The following OSBPL10 variants were observed in gnomAD, a reference collection of about 807,000 sequenced individuals.
OSBPL10 encodes oxysterol-binding protein-related protein 10.
In OSBPL10, 49 loss-of-function variants were observed where a neutral mutation model predicts 81.7. That is an observed-to-expected ratio of 0.60 (90% CI 0.48 to 0.76). The LOEUF is 0.76. OSBPL10 is among the 30% of genes least tolerant of loss of function. The pLI, the probability that OSBPL10 is intolerant of heterozygous loss-of-function variation, is 0.00. For missense variants in OSBPL10, 923 were observed against 987.8 expected, an observed-to-expected ratio of 0.93 and a Z score of 0.88; for synonymous variants, 419 against 383.6, an observed-to-expected ratio of 1.09 and a Z score of -1.08.
chr3:32,023,021 TTAAGA>T (rs1393111518), intron 2 of OSBPL10, among the ~76,000 whole-genome samples: 1 of 152,158 alleles, frequency 6.6e-6, no homozygotes, highest in African/African-American at 2.4e-5. Flanking sequence ...GGTACATATG[TTAAGA>T]TATCTTTAGT....
rs377569395 is a variant in OSBPL10, at chr3:31,759,471, C to T, written c.730-11351G>A. Among the ~76,000 whole-genome samples the T allele has an allele frequency of 3.3e-5, 5 of 152,088 alleles. No individual in the cohort carries two copies. The East Asian group carries it at 5.8e-4, about 18-fold the overall frequency. ...CTTTTTAATACAAAAGAATACTCAT[C>T]ATAGAAAAAGAAATCAAATAGAAAG... On this transcript the variant is annotated intron_variant, in intron 4 of 11. Coordinates refer to ENST00000396556, the MANE Select transcript of OSBPL10 (RefSeq NM_017784.5).
At chr3:31,822,296 T>C (rs766380139) in intron 4 of OSBPL10, 1 of 152,224 alleles carries the variant, frequency 6.6e-6, no homozygotes, top group South Asian at 2.1e-4. Flanking sequence ...ATAATTCCTA[T>C]TTGTTTATAA....
chr3:32,075,997 G>A (rs1314489180), intron 1 of OSBPL10, among the ~76,000 whole-genome samples: 1 of 152,044 alleles, frequency 6.6e-6, no homozygotes, highest in Non-Finnish European at 1.5e-5. Flanking sequence ...CCCCATCCTT[G>A]AGAATGTACT....
chr3:32,017,173 G>T (rs1699320425), intron 2 of OSBPL10, among the ~76,000 whole-genome samples: 1 of 152,130 alleles, frequency 6.6e-6, no homozygotes, highest in Non-Finnish European at 1.5e-5. Context: ...TCTTATGAAT[G>T]ATTTCATTTG....
chr3:31,952,010 TGAGTG>T (rs1697885345), intron 1 of OSBPL10, among the ~76,000 whole-genome samples: 1 of 152,232 alleles, frequency 6.6e-6, no homozygotes, highest in South Asian at 2.1e-4. Flanking sequence ...GTGCCTTCCA[TGAGTG>T]GTGGGAAATG....
At chr3:31,772,647 T>C (rs1473690263) in intron 4 of OSBPL10, among the ~76,000 whole-genome samples, 5 of 152,140 alleles carry the variant, frequency 3.3e-5, no homozygotes, top group Non-Finnish European at 7.3e-5. Context: ...TCTGGTCATC[T>C]CCGCATGAAG....
chr3:32,014,924 C>T (rs997142775), intron 2 of OSBPL10, among the ~76,000 whole-genome samples: 2 of 152,066 alleles, frequency 1.3e-5, no homozygotes, highest in African/African-American at 4.8e-5. Context: ...AACTACAAAC[C>T]ACTGCTCAAG....
chr3:31,670,997 G>A lies in OSBPL10; in HGVS notation c.1727-14C>T, dbSNP rs1700309477. ...GCCTCAACACACCTCCAGGGAGAGAGGAGGGAGAGTTAGGCATGCAAACAT... is the reference window on the plus strand; with the variant it reads ...GCCTCAACACACCTCCAGGGAGAGAAGAGGGAGAGTTAGGCATGCAAACAT... On this transcript the variant is annotated splice_polypyrimidine_tract_variant and intron_variant, in intron 8 of 11. Coordinates refer to ENST00000396556, the MANE Select transcript of OSBPL10 (RefSeq NM_017784.5). 3 of 1,597,056 alleles carry A rather than the reference G, an allele frequency of 1.9e-6. No homozygotes were observed. Among genetic ancestry groups the A allele is most frequent in the Non-Finnish European group, 2.6e-6 (3 of 1,170,724 alleles).
intron 3 of OSBPL10, among the ~76,000 whole-genome samples, chr3:31,849,660 A>G (rs940221417): frequency 6.6e-6 from 1 of 152,206 alleles, no homozygotes; most frequent in East Asian, 1.9e-4. Flanking sequence ...GACTTATGAC[A>G]TATGCATTCC....
chr3:31,918,745 A>T (rs1283464717), intron 1 of OSBPL10, among the ~76,000 whole-genome samples: 1 of 152,198 alleles, frequency 6.6e-6, no homozygotes, highest in Non-Finnish European at 1.5e-5. Context: ...ATGCAGGCCC[A>T]CTACTGCTAG....
chr3:31,723,084 C>A (rs774677650), intron 6 of OSBPL10, among the ~76,000 whole-genome samples: 9 of 152,178 alleles, frequency 5.9e-5, no homozygotes, highest in Non-Finnish European at 1.2e-4. Flanking sequence ...GGCTGTATGT[C>A]CACCACTCTT....
rs1699771202 is a variant in OSBPL10, at chr3:32,065,554, C to G, written n.185+11842G>C. 2.2e-5 allele frequency: 2 copies of G among 91,386 alleles called. 1 individual carries two copies. The highest frequency in any genetic ancestry group is 8.6e-4 in the South Asian group (2 of 2,322). 5.7% of individuals were successfully genotyped at this position (91,386 alleles called of 1,614,324 possible). On this transcript the variant is annotated intron_variant and non_coding_transcript_variant, in intron 1 of 3. Coordinates refer to the OSBPL10 transcript ENST00000479173. ...CTTCTCTCTCTGTCCTTGTAGAATC[C>G]AGTTTGAGCAAGAATCCTGTGTAGT...
chr3:32,071,734 G>A lies in OSBPL10; in HGVS notation n.185+5662C>T, dbSNP rs188999656. On this transcript the variant is annotated intron_variant and non_coding_transcript_variant, in intron 1 of 3. Coordinates refer to the OSBPL10 transcript ENST00000479173. Reference sequence around the variant, plus strand: ...CTGACACATATACTTTCTGCTCCCCGGCTCCTTCAGCTGTACTCACTCTTT... The same window carrying A: ...CTGACACATATACTTTCTGCTCCCCAGCTCCTTCAGCTGTACTCACTCTTT... Among the ~76,000 whole-genome samples, 947 of 152,186 alleles carry A rather than the reference G, an allele frequency of 6.2e-3. 4 individuals carry two copies. The highest frequency in any genetic ancestry group is 0.022 in the African/African-American group (901 of 41,486).
chr3:31,698,239 C>A (rs1401022952), intron 7 of OSBPL10, among the ~76,000 whole-genome samples: 1 of 151,800 alleles, frequency 6.6e-6, no homozygotes, highest in Non-Finnish European at 1.5e-5. Context: ...CACTTGAGGT[C>A]AGGAGTTTGA....
intron 1 of OSBPL10, among the ~76,000 whole-genome samples, chr3:31,922,802 G>A (rs9814992): frequency 0.013 from 1,955 of 152,084 alleles, 54 homozygotes; most frequent in African/African-American, 0.041. Flanking sequence ...GTCTTGCAGG[G>A]GTGGGATTCT....
intron 5 of OSBPL10, among the ~76,000 whole-genome samples, chr3:31,743,331 A>T (rs1453883191): frequency 6.6e-6 from 1 of 152,056 alleles, no homozygotes; most frequent in Non-Finnish European, 1.5e-5. Context: ...GAGCCACCAT[A>T]CCCGGCCAAA....
At chr3:31,831,341 G>T (rs1391613587) in intron 3 of OSBPL10, among the ~76,000 whole-genome samples, 1 of 151,888 alleles carries the variant, frequency 6.6e-6, no homozygotes. Context: ...AGGAGGCGGA[G>T]GTTGCAGTGA....
rs1697355849 is a variant in OSBPL10 at position 31,935,368 on chromosome 3, T to TA, written c.281+45530dup. Reference sequence around the variant, plus strand: ...AAATAAACATGTTAAACTTTTTTTTTATACAGTATTTCTCAAAGTTATTTG... The same window carrying TA: ...AAATAAACATGTTAAACTTTTTTTTTAATACAGTATTTCTCAAAGTTATTTG... On this transcript the variant is annotated intron_variant, in intron 1 of 11. Transcript: ENST00000396556. Among the ~76,000 whole-genome samples the TA allele has an allele frequency of 2.0e-5, 3 of 152,180 alleles. No homozygotes were observed. The South Asian group carries it at 6.2e-4, about 32-fold the overall frequency.
chr3:31,771,014 A>G (rs1232018288), intron 4 of OSBPL10, among the ~76,000 whole-genome samples: 1 of 152,164 alleles, frequency 6.6e-6, no homozygotes, highest in Non-Finnish European at 1.5e-5. Context: ...CCTTGGCCTC[A>G]GTTTCCTTAC....
Sources: gnomAD v4.1 joint callset for allele counts (sites outside exome capture counted in the v4.1 genomes callset) on GRCh38, gnomAD v4.1.1 for gene constraint, MANE v1.5 for transcripts, NCBI Gene and HGNC (gene_info 2026-07-23, HGNC 2026-07-21) for gene names.